SPG21: variants seen among roughly 807,000 people sequenced by gnomAD.
SPG21 encodes the protein SPG21 abhydrolase domain containing, maspardin, also known as maspardin.
A neutral mutation model predicts 38.9 loss-of-function variants in SPG21; 26 were observed. The observed-to-expected ratio is 0.67, with a 90% confidence interval of 0.49 to 0.93. SPG21 has a LOEUF of 0.93. SPG21 is among the 40% of genes least tolerant of loss of function. The probability of loss-of-function intolerance (pLI) is 0.00; values close to 1 mark genes in which losing one functional copy is unlikely to be tolerated. For missense variants in SPG21, 333 were observed against 376.5 expected, an observed-to-expected ratio of 0.88 and a Z score of 0.96; for synonymous variants, 136 against 128.9, an observed-to-expected ratio of 1.05 and a Z score of -0.37.
intron 7 of SPG21, among the ~76,000 whole-genome samples, chr15:64,968,990 C>T (rs963620369): frequency 4.6e-5 from 7 of 152,144 alleles, no homozygotes; most frequent in Admixed American, 1.3e-4. Context: ...AATCCTCCTG[C>T]CTCAGCCTCC....
Position 64,986,731 on chromosome 15 carries a change from AC to A in SPG21, c.-25+2933del, listed in dbSNP as rs1179408491. Among the ~76,000 whole-genome samples, 4 of 151,574 alleles carry A rather than the reference AC, an allele frequency of 2.6e-5. No individual in the cohort carries two copies. The East Asian group carries it at 7.7e-4, about 29-fold the overall frequency. On this transcript the variant is annotated intron_variant, in intron 1 of 8. Coordinates refer to ENST00000204566, the MANE Select transcript of SPG21 (RefSeq NM_016630.7). ...AAAACAAAAAACAAAAAAACAAAAA[AC>A]AAAAAAAAACTAAGCCATTTTAACT...
At chr15:64,968,173 C>T (rs182746828) in intron 7 of SPG21, among the ~76,000 whole-genome samples, 1 of 151,904 alleles carries the variant, frequency 6.6e-6, no homozygotes, top group East Asian at 1.9e-4. Flanking sequence ...CATGGTGAAA[C>T]CCCATCTCTA....
chr15:64,974,523 TC>T, intron 5 of SPG21, 78 bp downstream of exon 5: 1 of 1,536,784 alleles, frequency 6.5e-7, no homozygotes, highest in African/African-American at 1.4e-5. Flanking sequence ...ATATAAGTCT[TC>T]CCTTCCTAAT....
At chr15:64,968,073 G>A (rs963824617) in intron 7 of SPG21, among the ~76,000 whole-genome samples, 1 of 152,142 alleles carries the variant, frequency 6.6e-6, no homozygotes, top group African/African-American at 2.4e-5. Context: ...GAAATAGGCT[G>A]GGCGTGGTGG....
chr15:64,976,553 C>G lies in SPG21; in HGVS notation c.228G>C (p.Leu76Phe). The G allele has an allele frequency of 6.2e-7, 1 of 1,605,432 alleles. No homozygotes were observed. The highest frequency in any genetic ancestry group is 1.1e-5 in the South Asian group (1 of 90,128). ...LTGWGYRVIA[L>F]QYPVYWDHLE... ...GATGGTCCCAATAAACTGGATACTGCAACTGAAATAATAACGATAATTTTA... is the reference window on the plus strand; with the variant it reads ...GATGGTCCCAATAAACTGGATACTGGAACTGAAATAATAACGATAATTTTA... The change falls in exon 4 of 9, where the codon TTG becomes TTC. Residue 76 changes from leucine to phenylalanine, a missense_variant and splice_region_variant. By Grantham distance (22) the Leu-to-Phe change is conservative. Coordinates refer to ENST00000204566, the MANE Select transcript of SPG21 (RefSeq NM_016630.7).
intron 5 of SPG21, among the ~76,000 whole-genome samples, chr15:64,973,028 G>C (rs72742710): frequency 0.017 from 2,534 of 152,236 alleles, 30 homozygotes; most frequent in Admixed American, 0.024. Context: ...CAGAGGCACA[G>C]TTGTGGCTCA....
At chr15:64,979,844 G>GAAAA (rs2085849831) in intron 3 of SPG21, among the ~76,000 whole-genome samples, 1 of 71,790 alleles carries the variant, frequency 1.4e-5, no homozygotes, top group African/African-American at 7.6e-5. Context: ...GTGGAAGCAT[G>GAAAA]CAAAAAAAAA....
At chr15:64,976,441 A>G (rs1480628040) in intron 4 of SPG21, 34 bp downstream of exon 4, 1 of 1,476,434 alleles carries the variant, frequency 6.8e-7, no homozygotes, top group Non-Finnish European at 9.5e-7. Context: ...TAAAAAAAAA[A>G]TTGTATGTAT....
intron 3 of SPG21, among the ~76,000 whole-genome samples, chr15:64,980,475 G>A (rs1056177890): frequency 6.6e-6 from 1 of 152,032 alleles, no homozygotes; most frequent in Non-Finnish European, 1.5e-5. Flanking sequence ...GCAGTGGCTC[G>A]TGGCTGTAAT....
intron 2 of SPG21, chr15:64,981,289 C>CTTTT (rs34703670): frequency 1.9e-4 from 54 of 281,040 alleles, no homozygotes; most frequent in South Asian, 3.2e-4. Flanking sequence ...CCCCCTCCTC[C>CTTTT]TTTTTTTTTT....
chr15:64,971,855 A>G (rs2085672822), intron 5 of SPG21, among the ~76,000 whole-genome samples: 1 of 152,096 alleles, frequency 6.6e-6, no homozygotes. Context: ...TTTTTTCTGT[A>G]GAGACAGGAT....
At position 64,981,385 on chromosome 15, in the gene SPG21, G is replaced by A. The variant is rs2085884762; in HGVS notation, c.64-360C>T. The A allele has an allele frequency of 1.7e-5, 4 of 240,264 alleles. 1 individual carries two copies. The highest frequency in any genetic ancestry group is 1.5e-4 in the South Asian group (3 of 19,936). The allele number at this position is 240,264 out of a possible 1,614,324, so 14.9% of individuals were successfully genotyped here. A position where few individuals can be genotyped will look rare whatever the true frequency, so the allele number is the denominator to read the frequency against. Reference sequence around the variant, plus strand: ...GCTCACTACAACCTCTGCCTCCCAGGTTCAAGCGATTCTCCTGCCTCAGCC... The same window carrying A: ...GCTCACTACAACCTCTGCCTCCCAGATTCAAGCGATTCTCCTGCCTCAGCC... On this transcript the variant is annotated intron_variant, in intron 2 of 8. Transcript: ENST00000204566.
At chr15:64,987,196 A>G (rs1309230491) in intron 1 of SPG21, 2 of 152,186 alleles carry the variant, frequency 1.3e-5, no homozygotes, top group Non-Finnish European at 2.9e-5. Context: ...ATAATTCACA[A>G]CCACCTCAGG....
intron 4 of SPG21, 75 bp downstream of exon 4, chr15:64,976,400 G>T (rs1466266541): frequency 1.9e-6 from 2 of 1,075,422 alleles, no homozygotes; most frequent in Non-Finnish European, 2.8e-6. Context: ...ACTCCAGCCT[G>T]GGTGACAGAG....
At chr15:64,978,699 G>T (rs962959656) in intron 3 of SPG21, among the ~76,000 whole-genome samples, 1 of 152,206 alleles carries the variant, frequency 6.6e-6, no homozygotes, top group Non-Finnish European at 1.5e-5. Flanking sequence ...ATTTGAGTCA[G>T]ATGATAGCCT....
intron 8 of SPG21, among the ~76,000 whole-genome samples, 185 bp from the exon 9 acceptor site, chr15:64,963,921 T>C (rs1314299493): frequency 1.3e-5 from 2 of 152,046 alleles, no homozygotes; most frequent in African/African-American, 4.8e-5. Context: ...CATGCCCAGC[T>C]AATTTTTGTA....
chr15:64,972,221 C>T (rs2085680510), intron 5 of SPG21, among the ~76,000 whole-genome samples: 1 of 152,158 alleles, frequency 6.6e-6, no homozygotes, highest in Admixed American at 6.5e-5. Flanking sequence ...AGCCCCATCA[C>T]TTTCTTATCT....
intron 7 of SPG21, among the ~76,000 whole-genome samples, chr15:64,966,258 T>C (rs2085538057): frequency 6.6e-6 from 1 of 152,178 alleles, no homozygotes; most frequent in Admixed American, 6.5e-5. Context: ...AGCATATGAT[T>C]CTAGACATCC....
At chr15:64,983,690 G>C (rs2085930061) in intron 1 of SPG21, 97 bp from the exon 2 acceptor site, 4 of 795,456 alleles carry the variant, frequency 5.0e-6, no homozygotes, top group Non-Finnish European at 4.2e-6. Context: ...ATATTTTAAA[G>C]AAGAAAGCCA....
Sources: gnomAD v4.1 joint callset for allele counts (sites outside exome capture counted in the v4.1 genomes callset) on GRCh38, gnomAD v4.1.1 for gene constraint, MANE v1.5 for transcripts, NCBI Gene and HGNC (gene_info 2026-07-23, HGNC 2026-07-21) for gene names.